The following VSIG8 variants were observed in gnomAD, a reference collection of about 807,000 sequenced individuals.
The protein encoded by VSIG8 is V-set and immunoglobulin domain-containing protein 8.
A neutral mutation model predicts 42.6 loss-of-function variants in VSIG8; 32 were observed. The observed-to-expected ratio is 0.75, with a 90% CI of 0.57 to 1.01. The LOEUF is 1.01. Among genes scored for constraint, VSIG8 ranks in the 50% least tolerant of loss-of-function variants. The pLI, the probability that VSIG8 is intolerant of heterozygous loss-of-function variation, is 0.00. For synonymous variants in VSIG8, 290 were observed against 243.8 expected, an observed-to-expected ratio of 1.19 and a Z score of -1.77; for missense variants, 529 against 558.0, an observed-to-expected ratio of 0.95 and a Z score of 0.52.
intron 5 of VSIG8, 141 bp downstream of exon 5, chr1:159,856,383 C>T: frequency 2.8e-6 from 4 of 1,439,618 alleles, no homozygotes; most frequent in Admixed American, 2.0e-5. Context: ...TCTTGGCCCA[C>T]TTGTAGGAAA....
intron 6 of VSIG8, chr1:159,855,262 G>C (rs905207472): frequency 8.4e-6 from 13 of 1,550,930 alleles, no homozygotes; most frequent in Non-Finnish European, 1.1e-5. Flanking sequence ...TTGTCCACGC[G>C]TATCTGGAGA....
At position 159,856,615 on chromosome 1, in the gene VSIG8, C is replaced by T; in HGVS notation, c.681G>A (p.Lys227=). ...QGLNNGDLVL[K]DISRADDGLY... ...GCCCATCATCTGCTCTGGAGATATC[C>T]TTCAACACCAGGTCCCCATTGTTCA... is the stretch of plus-strand genomic sequence containing the variant. Residue 227 remains lysine, a synonymous_variant, in exon 5 of 7, where the codon AAG becomes AAA. Transcript: ENST00000368100. 1 of 1,614,192 alleles carries T rather than the reference C, an allele frequency of 6.2e-7. No homozygotes were observed. Among genetic ancestry groups the T allele is most frequent in the Non-Finnish European group, 8.5e-7 (1 of 1,180,016 alleles).
rs1240491740 is a variant in VSIG8 at position 159,854,528 on chromosome 1, G to A, written c.*225C>T. 5.9e-6 allele frequency: 5 copies of A among 843,722 alleles called. No individual in the cohort carries two copies. The highest frequency in any genetic ancestry group is 3.0e-5 in the South Asian group (1 of 32,838). 52.3% of individuals were successfully genotyped at this position (843,722 alleles called of 1,614,324 possible). ...CCAAGCCTTCGGTCCCGGGGGTGCG[G>A]AGAAGGCTCAGGATCGCCTTCCTCC... On this transcript the variant is annotated 3_prime_UTR_variant, in exon 7 of 7. Coordinates refer to ENST00000368100, the MANE Select transcript of VSIG8 (RefSeq NM_001013661.1).
rs774516622 is a variant in VSIG8, at chr1:159,858,284, C to T, written c.236G>A (p.Ser79Asn). The change falls in exon 3 of 7, where the codon AGT (serine) becomes AAT (asparagine). Residue 79 changes from serine (S) to asparagine (N), a missense_variant. Ser to Asn is a conservative substitution (Grantham distance 46). Transcript: ENST00000368100. Reference protein sequence around the residue: ...PAHHRENVFLSYQDKRINHGS... With the variant: ...PAHHRENVFLNYQDKRINHGS... ...ATGGTTGATCCTCTTGTCCTGGTAA[C>T]TAAGGAACTGTGAAGAGGAGAGGAA... The T allele has an allele frequency of 3.7e-6, 6 of 1,614,054 alleles. No individual in the cohort carries two copies. The African/African-American group carries it at 6.7e-5, about 18-fold the overall frequency.
chr1:159,855,509 A>G (rs948532409), intron 6 of VSIG8: 3 of 985,148 alleles, frequency 3.0e-6, no homozygotes, highest in Middle Eastern at 5.2e-4. Flanking sequence ...TGCTTCTAAT[A>G]TAAGTTATTA....
At chr1:159,856,696 C>T in intron 4 of VSIG8, 53 bp from the exon 5 acceptor site, 1 of 1,600,620 alleles carries the variant, frequency 6.2e-7, no homozygotes, top group South Asian at 1.1e-5. Context: ...ACCCCAACCT[C>T]AGTCCCTGTG....
In VSIG8 at chr1:159,855,023, C is replaced by A; in HGVS notation, c.975G>T (p.Glu325Asp). ...CCTTGCACCCGGGCGCCACGGCGTC[C>A]TCTCTGTGGAAAACAACAGGCGGGC... ...ACGDLASEIR[E>D]DAVAPGCKAS... The change falls in exon 7 of 7, where the codon GAG (glutamate) becomes GAT (aspartate). Residue 325 changes from glutamate (E) to aspartate (D), a missense_variant. Physicochemically the swap from Glu to Asp is conservative, Grantham distance 45. Coordinates refer to ENST00000368100, the MANE Select transcript of VSIG8 (RefSeq NM_001013661.1). The A allele has an allele frequency of 6.4e-7, 1 of 1,573,460 alleles. No homozygotes were observed. The highest frequency in any genetic ancestry group is 8.6e-7 in the Non-Finnish European group (1 of 1,161,666).
At chr1:159,859,552 G>A (rs1350014565) in intron 1 of VSIG8, among the ~76,000 whole-genome samples, 1 of 152,154 alleles carries the variant, frequency 6.6e-6, no homozygotes, top group East Asian at 1.9e-4. Context: ...GTGTGGTTTT[G>A]TATAGTGATG....
At chr1:159,861,507 C>T (rs1280770956) in intron 1 of VSIG8, 1 of 152,176 alleles carries the variant, frequency 6.6e-6, no homozygotes, top group Non-Finnish European at 1.5e-5. Context: ...CCCGAGTGGA[C>T]TCTGCCAGCC....
chr1:159,855,125 C>G (rs1287313175), intron 6 of VSIG8, 99 bp from the exon 7 acceptor site: 3 of 1,551,178 alleles, frequency 1.9e-6, no homozygotes, highest in South Asian at 2.4e-5. Flanking sequence ...CCTCTTGTCT[C>G]CCGCGCCTCC....
rs766505452 is a variant in VSIG8, at chr1:159,854,952, G to A, written c.1046C>T (p.Thr349Met). ...GCGCAGGGAGCGGCTGACGTTCTGC[G>A]TCGGGTACCCCAGGAGGTGGGTGAC... ...SRVTHLLGYP[T>M]QNVSRSLRRK... Residue 349 changes from threonine to methionine, a missense_variant, in exon 7 of 7, where the codon ACG (threonine) becomes ATG (methionine). Transcript: ENST00000368100. 3.9e-6 allele frequency: 6 copies of A among 1,537,506 alleles called. No homozygotes were observed. Among genetic ancestry groups the A allele is most frequent in the Admixed American group, 1.9e-5 (1 of 51,716 alleles).
chr1:159,856,755 G>T, intron 4 of VSIG8, 112 bp from the exon 5 acceptor site: 1 of 1,400,224 alleles, frequency 7.1e-7, no homozygotes, highest in Non-Finnish European at 9.7e-7. Flanking sequence ...GCTTATGCAT[G>T]TGTGTACACC....
Position 159,858,795 on chromosome 1 carries a change from T to A in VSIG8, c.167A>T (p.Asn56Ile). ...CTGCATCCACTCGATGTCCAGCCCATTGGGACCATAGTCCTCAGGGTCCAG... is the reference window on the plus strand; with the variant it reads ...CTGCATCCACTCGATGTCCAGCCCAATGGGACCATAGTCCTCAGGGTCCAG... ...YVLDPEDYGP[N>I]GLDIEWMQVN... The change falls in exon 2 of 7, where the codon AAT becomes ATT. Residue 56 changes from asparagine to isoleucine, a missense_variant. By Grantham distance (149) the Asn-to-Ile change is moderately radical. Coordinates refer to ENST00000368100, the MANE Select transcript of VSIG8 (RefSeq NM_001013661.1). 6.2e-7 allele frequency: 1 copy of A among 1,613,874 alleles called. No individual in the cohort carries two copies. Among genetic ancestry groups the A allele is most frequent in the Non-Finnish European group, 8.5e-7 (1 of 1,179,928 alleles).
In VSIG8 at chr1:159,856,687, C is replaced by A. The variant is rs1394950068; in HGVS notation, c.653-44G>T. 4 of 1,604,600 alleles carry A rather than the reference C, an allele frequency of 2.5e-6. No homozygotes were observed. The African/African-American group carries it at 5.4e-5, about 21-fold the overall frequency. On this transcript the variant is annotated intron_variant, in intron 4 of 6. Transcript: ENST00000368100. The stretch of plus-strand genomic sequence containing the variant: ...GAGGCCTGGTCTCTGAGAGCTCCCA[C>A]CCCAACCTCAGTCCCTGTGGGGTGG...
Position 159,858,199 on chromosome 1 carries a change from G to T in VSIG8, c.321C>A (p.Tyr107Ter). 6.2e-7 allele frequency: 1 copy of T among 1,614,230 alleles called. No individual in the cohort carries two copies. ...VRFAASDPSQ[Y>*]DASINLMNLQ... Reference sequence around the variant, plus strand: ...GGTTCATGAGGTTGATGGAGGCATCGTACTGGCTTGGGTCTGAGGCTGCAA... The same window carrying T: ...GGTTCATGAGGTTGATGGAGGCATCTTACTGGCTTGGGTCTGAGGCTGCAA... The change falls in exon 3 of 7, where the codon TAC becomes TAA. Residue 107 changes from tyrosine to a stop codon, truncating the protein, a stop_gained. Coordinates refer to ENST00000368100, the MANE Select transcript of VSIG8 (RefSeq NM_001013661.1). LOFTEE classifies it high-confidence loss of function.
intron 2 of VSIG8, 60 bp from the exon 3 acceptor site, chr1:159,858,351 A>G: frequency 6.4e-7 from 1 of 1,571,310 alleles, no homozygotes; most frequent in Non-Finnish European, 8.8e-7. Context: ...GGCCATGTGG[A>G]TTGGCTGCTT....
chr1:159,856,431 G>C, intron 5 of VSIG8, 93 bp downstream of exon 5: 1 of 1,581,154 alleles, frequency 6.3e-7, no homozygotes, highest in Non-Finnish European at 8.6e-7. Context: ...GATGGCAGTG[G>C]AAAGGCAGAA....
At position 159,857,887 on chromosome 1, in the gene VSIG8, A is replaced by G. The variant is rs1420220000; in HGVS notation, c.510T>C (p.Ser170=). The change falls in exon 4 of 7, where the codon AGT becomes AGC. Residue 170 remains serine (S), a synonymous_variant. Coordinates refer to ENST00000368100, the MANE Select transcript of VSIG8 (RefSeq NM_001013661.1). The part of the protein sequence containing the change: ...GNDVVLKCYA[S]GGSQPLSYKW... ...TGTAGGAGAGGGGCTGGGAGCCCCCACTGGCATAGCACTTCAGCACCACAT... is the reference window on the plus strand; with the variant it reads ...TGTAGGAGAGGGGCTGGGAGCCCCCGCTGGCATAGCACTTCAGCACCACAT... 1 of 1,614,110 alleles carries G rather than the reference A, an allele frequency of 6.2e-7. No individual in the cohort carries two copies. Among genetic ancestry groups the G allele is most frequent in the African/African-American group, 1.3e-5 (1 of 74,940 alleles).
chr1:159,856,192 C>T (rs1648817963), intron 5 of VSIG8, 111 bp from the exon 6 acceptor site: 6 of 1,112,772 alleles, frequency 5.4e-6, no homozygotes, highest in Middle Eastern at 2.1e-4. Context: ...GGGAGAGGGA[C>T]CCAGGGGGTC....
Sources: gnomAD v4.1 joint callset for allele counts (sites outside exome capture counted in the v4.1 genomes callset) on GRCh38, gnomAD v4.1.1 for gene constraint, MANE v1.5 for transcripts, NCBI Gene and HGNC (gene_info 2026-07-23, HGNC 2026-07-21) for gene names.